RRBP1: variants seen among roughly 807,000 people sequenced by gnomAD.
The protein encoded by RRBP1 is ribosome binding protein 1, also known as ribosome-binding protein 1.
Under a neutral mutation model 165.2 loss-of-function variants are expected in RRBP1, and 94 were observed. The ratio of observed to expected loss-of-function variants is 0.57; its 90% CI spans 0.48 to 0.68. The LOEUF (loss-of-function observed/expected upper bound fraction) is 0.68. Ranked by LOEUF, RRBP1 falls within the 30% of genes least tolerant of loss-of-function variation. RRBP1 has a pLI of 0.00. For missense variants in RRBP1, 1,676 were observed against 1,763.0 expected, an observed-to-expected ratio of 0.95 and a Z score of 0.88; for synonymous variants, 680 against 714.5, an observed-to-expected ratio of 0.95 and a Z score of 0.77.
chr20:17,650,637 T>C (rs1458834498), intron 3 of RRBP1, among the ~76,000 whole-genome samples: 1 of 152,174 alleles, frequency 6.6e-6, no homozygotes, highest in Non-Finnish European at 1.5e-5. Flanking sequence ...GCAGCAACAA[T>C]GAGTGAAGCA....
chr20:17,665,847 T>A (rs2036858850), intron 2 of RRBP1, among the ~76,000 whole-genome samples: 1 of 152,160 alleles, frequency 6.6e-6, no homozygotes, highest in African/African-American at 2.4e-5. Context: ...CATTTCAAAG[T>A]CAGGTTTTCA....
At chr20:17,639,092 G>A (rs1318053581) in intron 5 of RRBP1, among the ~76,000 whole-genome samples, 1 of 152,248 alleles carries the variant, frequency 6.6e-6, no homozygotes, top group Non-Finnish European at 1.5e-5. Flanking sequence ...CAGGACAGAG[G>A]TTCTGGTGCC....
At chr20:17,615,809 G>A in intron 22 of RRBP1, 117 bp downstream of exon 22, 1 of 922,358 alleles carries the variant, frequency 1.1e-6, no homozygotes, top group Non-Finnish European at 1.6e-6. Context: ...AGAAGGCCCA[G>A]GCCCAGCCCA....
At chr20:17,615,883 C>A (rs1240444847) in intron 22 of RRBP1, 43 bp downstream of exon 22, 3 of 1,547,488 alleles carry the variant, frequency 1.9e-6, no homozygotes, top group African/African-American at 2.7e-5. Flanking sequence ...GACTCAGGGC[C>A]CAGGGGCTGA....
chr20:17,681,730 G>C (rs2037193935), intron 1 of RRBP1, among the ~76,000 whole-genome samples: 1 of 150,632 alleles, frequency 6.6e-6, no homozygotes, highest in African/African-American at 2.4e-5. Context: ...GAGGCAGGGA[G>C]CGGTCGCCAC....
Position 17,643,222 on chromosome 20 carries a change from G to C in RRBP1, c.1913-95C>G. 1 of 1,297,286 alleles carries C rather than the reference G, an allele frequency of 7.7e-7. No homozygotes were observed. The highest frequency in any genetic ancestry group is 1.1e-6 in the Non-Finnish European group (1 of 941,474). 80.4% of individuals were successfully genotyped at this position (1,297,286 alleles called of 1,614,324 possible). On this transcript the variant is annotated intron_variant, in intron 3 of 24. Transcript: ENST00000377813. This position sits in a 1 kb window ranked among gnomAD's most constrained non-coding sequence, Gnocchi z 4.3. ...TCACACCAAGAAGGTTCTGGTCACA[G>C]CCACGAAGAGCTCTCTGACTGCTTG...
At chr20:17,640,966 A>AAGGCAGGG (rs1305931877) in intron 5 of RRBP1, among the ~76,000 whole-genome samples, 1 of 152,170 alleles carries the variant, frequency 6.6e-6, no homozygotes, top group East Asian at 1.9e-4. Flanking sequence ...CGGGATGGAG[A>AAGGCAGGG]AGGCAGGGAG....
chr20:17,659,305 C>T lies in RRBP1; in HGVS notation c.1203G>A (p.Lys401=). 1 of 1,540,018 alleles carries T rather than the reference C, an allele frequency of 6.5e-7. No individual in the cohort carries two copies. The highest frequency in any genetic ancestry group is 8.7e-7 in the Non-Finnish European group (1 of 1,143,716). Residue 401 remains lysine, a synonymous_variant, in exon 3 of 25, where the codon AAG becomes AAA. Transcript: ENST00000377813. ...TGCCCTGGTTCTGGGCACCCTCAGCCTTCTTGCCCTGGTTCTGGGCCCCTT... is the reference window on the plus strand; with the variant it reads ...TGCCCTGGTTCTGGGCACCCTCAGCTTTCTTGCCCTGGTTCTGGGCCCCTT... ...KVEGAQNQGK[K]AEGAQNQGKK...
chr20:17,629,597 T>G (rs1295236656), intron 9 of RRBP1, among the ~76,000 whole-genome samples: 1 of 139,598 alleles, frequency 7.2e-6, no homozygotes, highest in South Asian at 2.3e-4. Flanking sequence ...CACAGCTCCA[T>G]CCCCCCACCT....
At chr20:17,637,918 C>T (rs2036277655) in intron 5 of RRBP1, among the ~76,000 whole-genome samples, 2 of 152,174 alleles carry the variant, frequency 1.3e-5, no homozygotes, top group Non-Finnish European at 2.9e-5. Context: ...CTCTGGAAGA[C>T]GAGGATTACA....
chr20:17,624,586 G>A lies in RRBP1; in HGVS notation c.3137C>T (p.Thr1046Ile). The change falls in exon 13 of 25, where the codon ACC becomes ATC. Residue 1046 changes from threonine to isoleucine, a missense_variant. Thr to Ile is a moderately conservative substitution (Grantham distance 89). Around this residue, in one of 5 missense-constraint regions of RRBP1, gnomAD observed 1,184 missense variants for 1,167.1 expected, o/e 1.01. Coordinates refer to ENST00000377813, the MANE Select transcript of RRBP1 (RefSeq NM_001365613.2). ...QACKEKLLSL[T>I]QAKEESEKQL... The stretch of plus-strand genomic sequence containing the variant: ...TGGTCGGGCTCTGACCTTGGCCTGG[G>A]TCAGGGAGAGCAGCTTCTCCTTGCA... 6.3e-7 allele frequency: 1 copy of A among 1,591,886 alleles called. No homozygotes were observed. The highest frequency in any genetic ancestry group is 8.6e-7 in the Non-Finnish European group (1 of 1,169,186).
At chr20:17,658,272 T>C (rs577887964) in intron 3 of RRBP1, among the ~76,000 whole-genome samples, 4 of 152,296 alleles carry the variant, frequency 2.6e-5, no homozygotes, top group African/African-American at 4.8e-5. Flanking sequence ...GTTGTAACTA[T>C]GAAGGGCCTC....
At chr20:17,651,073 T>G (rs1196158130) in intron 3 of RRBP1, among the ~76,000 whole-genome samples, 1 of 152,166 alleles carries the variant, frequency 6.6e-6, no homozygotes, top group Admixed American at 6.5e-5. Flanking sequence ...CTGGGGAATT[T>G]CCACTTCTCG....
intron 24 of RRBP1, 129 bp from the exon 25 acceptor site, chr20:17,614,349 A>G: frequency 2.4e-6 from 2 of 825,262 alleles, no homozygotes; most frequent in Non-Finnish European, 3.9e-6. Flanking sequence ...CCCTCAGAGA[A>G]CAGGAGCCAC....
chr20:17,624,185 G>A (rs1195345358), intron 13 of RRBP1, among the ~76,000 whole-genome samples: 2 of 152,228 alleles, frequency 1.3e-5, no homozygotes, highest in African/African-American at 4.8e-5. Flanking sequence ...AGAAGGGAAG[G>A]ACGGCAGGGA....
At chr20:17,671,579 G>T (rs1344082297) in intron 2 of RRBP1, among the ~76,000 whole-genome samples, 1 of 152,188 alleles carries the variant, frequency 6.6e-6, no homozygotes, top group Non-Finnish European at 1.5e-5. Context: ...TCCCTACCCT[G>T]CCTGTAGGGT....
intron 2 of RRBP1, among the ~76,000 whole-genome samples, chr20:17,665,145 A>G (rs1165715327): frequency 1.3e-5 from 2 of 152,058 alleles, no homozygotes; most frequent in East Asian, 3.9e-4. Context: ...GTATATGTAT[A>G]TATATGTCAT....
chr20:17,656,443 C>A (rs1204882733), intron 3 of RRBP1, among the ~76,000 whole-genome samples: 2 of 152,128 alleles, frequency 1.3e-5, no homozygotes, highest in Admixed American at 1.3e-4. Context: ...TTCATCCAAA[C>A]CTTAAATTTT....
intron 2 of RRBP1, among the ~76,000 whole-genome samples, chr20:17,675,967 G>C (rs116147688): frequency 1.3e-5 from 2 of 152,228 alleles, no homozygotes; most frequent in Non-Finnish European, 1.5e-5. Flanking sequence ...TGGCACTTTG[G>C]GTGGCCAAGG....
Sources: gnomAD v4.1 joint callset for allele counts (sites outside exome capture counted in the v4.1 genomes callset) on GRCh38, gnomAD v4.1.1 for gene constraint, gnomAD v4.1.1 regional missense constraint, Gnocchi (gnomAD v3.1) non-coding constraint, MANE v1.5 for transcripts, NCBI Gene and HGNC (gene_info 2026-07-23, HGNC 2026-07-21) for gene names.